CLEC16A: variants seen among roughly 807,000 people sequenced by gnomAD.
The protein encoded by CLEC16A is C-type lectin domain containing 16A, also known as protein CLEC16A.
Under a neutral mutation model 109.5 loss-of-function variants are expected in CLEC16A, and 51 were observed. That is an observed-to-expected ratio of 0.47 (90% CI 0.37 to 0.59). The LOEUF is 0.59. CLEC16A is among the 20% of genes least tolerant of loss of function. The probability of loss-of-function intolerance (pLI) is 0.00; values close to 1 mark genes in which losing one functional copy is unlikely to be tolerated. For missense variants in CLEC16A, 1,339 were observed against 1,394.0 expected (o/e 0.96, Z 0.63); for synonymous variants, 673 against 564.2 (o/e 1.19, Z -2.73).
intron 11 of CLEC16A, among the ~76,000 whole-genome samples, chr16:11,018,164 G>T (rs114106288): frequency 6.6e-6 from 1 of 151,642 alleles, no homozygotes; most frequent in African/African-American, 2.4e-5. Flanking sequence ...AAAATTAGCC[G>T]GGTGTGCTGG....
At chr16:11,012,620 A>G (rs1050823197) in intron 11 of CLEC16A, among the ~76,000 whole-genome samples, 9 of 146,768 alleles carry the variant, frequency 6.1e-5, no homozygotes, top group Non-Finnish European at 9.0e-5. Context: ...AAAAAAAAAA[A>G]AGAAAGATTT....
chr16:11,100,490 C>G (rs1438176175), intron 19 of CLEC16A, among the ~76,000 whole-genome samples: 1 of 152,194 alleles, frequency 6.6e-6, no homozygotes, highest in East Asian at 1.9e-4. Context: ...ATTTCACTAA[C>G]TTAGTGTGGC....
At chr16:11,143,518 C>T (rs1310839509) in intron 22 of CLEC16A, among the ~76,000 whole-genome samples, 3 of 152,202 alleles carry the variant, frequency 2.0e-5, no homozygotes, top group African/African-American at 2.4e-5. Flanking sequence ...CACCCTCCCC[C>T]TAGCAACCTC....
At chr16:11,001,737 C>G (rs1399168236) in intron 10 of CLEC16A, among the ~76,000 whole-genome samples, 2 of 152,260 alleles carry the variant, frequency 1.3e-5, no homozygotes, top group African/African-American at 2.4e-5. Context: ...ACCTCCCAGC[C>G]TCAAGCAATC....
At chr16:11,169,313 G>A (rs1183311722) in intron 23 of CLEC16A, among the ~76,000 whole-genome samples, 1 of 152,176 alleles carries the variant, frequency 6.6e-6, no homozygotes, top group African/African-American at 2.4e-5. Flanking sequence ...TTGAGACAGA[G>A]TCTTGCTTAG....
chr16:10,946,826 G>C (rs1209751595), intron 1 of CLEC16A, among the ~76,000 whole-genome samples: 13 of 152,196 alleles, frequency 8.5e-5, no homozygotes, highest in Non-Finnish European at 1.3e-4. Flanking sequence ...CCATTTTACG[G>C]AAGTGGAAAC....
chr16:11,115,328 AAG>A (rs2153011518), intron 19 of CLEC16A, among the ~76,000 whole-genome samples: 1 of 152,316 alleles, frequency 6.6e-6, no homozygotes, highest in East Asian at 1.9e-4. Flanking sequence ...TCTATTTTTA[AAG>A]AGTATTTTTT....
Position 11,020,217 on chromosome 16 carries a change from G to T in CLEC16A, c.1328G>T (p.Arg443Leu). 1 of 1,612,966 alleles carries T rather than the reference G, an allele frequency of 6.2e-7. No individual in the cohort carries two copies. Among genetic ancestry groups the T allele is most frequent in the Non-Finnish European group, 8.5e-7 (1 of 1,179,310 alleles). Residue 443 changes from arginine (R) to leucine (L), a missense_variant, in exon 12 of 24, where the codon CGT becomes CTT. Arg to Leu is a moderately radical substitution (Grantham distance 102). Coordinates refer to ENST00000409790, the MANE Select transcript of CLEC16A (RefSeq NM_015226.3). ...SEEIEMVIME[R>L]SKLSELAAST... ...GAGATCGAGATGGTGATCATGGAGC[G>T]TAGCAAGCTCTCAGAGCTGGCCGCC...
At chr16:11,092,715 G>A (rs961803307) in intron 19 of CLEC16A, among the ~76,000 whole-genome samples, 1 of 152,202 alleles carries the variant, frequency 6.6e-6, no homozygotes, top group Non-Finnish European at 1.5e-5. Flanking sequence ...GTGAGAGTAG[G>A]TGCTCTGGAG....
At position 11,068,986 on chromosome 16, in the gene CLEC16A, CTTTTTTTTT is replaced by C. The variant is rs34421150; in HGVS notation, c.2116+7974_2116+7982del. On this transcript the variant is annotated intron_variant, in intron 19 of 23. Transcript: ENST00000409790. ...CATGCCATCACGCCTGGCTAATTTT[CTTTTTTTTT>C]TTTTTTTTTGTATTTTTAGTAGACA... 3.0e-4 allele frequency among the ~76,000 whole-genome samples: 37 copies of C among 123,460 alleles called. No individual in the cohort carries two copies. In the East Asian group the frequency reaches 7.8e-3, roughly 26 times the overall value. The allele number at this position is 123,460 out of a possible 152,430, so 81.0% of individuals were successfully genotyped here.
intron 13 of CLEC16A, among the ~76,000 whole-genome samples, chr16:11,031,784 TGCG>T (rs1222465447): frequency 7.2e-5 from 11 of 152,060 alleles, no homozygotes; most frequent in Admixed American, 7.2e-4. Flanking sequence ...AACTAGGTAA[TGCG>T]GTGGGGCAGG....
intron 13 of CLEC16A, among the ~76,000 whole-genome samples, chr16:11,025,858 G>T (rs1461740537): frequency 1.3e-5 from 2 of 152,160 alleles, no homozygotes; most frequent in African/African-American, 4.8e-5. Flanking sequence ...CCTCTTCAAA[G>T]GCAGTTCCTG....
At chr16:11,005,146 C>G (rs1207446435) in intron 11 of CLEC16A, among the ~76,000 whole-genome samples, 2 of 152,192 alleles carry the variant, frequency 1.3e-5, no homozygotes, top group African/African-American at 4.8e-5. Context: ...CAGGCCTCAG[C>G]TGTGACTAAC....
chr16:10,994,265 C>T (rs1398346720), intron 10 of CLEC16A, among the ~76,000 whole-genome samples: 1 of 152,242 alleles, frequency 6.6e-6, no homozygotes, highest in East Asian at 1.9e-4. Flanking sequence ...CGTCAAATCG[C>T]CTCACTGATG....
chr16:10,992,617 G>A (rs2044093165), intron 10 of CLEC16A, among the ~76,000 whole-genome samples: 1 of 150,384 alleles, frequency 6.6e-6, no homozygotes, highest in Admixed American at 6.7e-5. Context: ...TGAGTTCTGG[G>A]TGGGTCATTT....
chr16:11,164,421 G>A (rs543325395), intron 22 of CLEC16A, among the ~76,000 whole-genome samples: 1 of 152,332 alleles, frequency 6.6e-6, no homozygotes, highest in African/African-American at 2.4e-5. Flanking sequence ...TGATGGCCCG[G>A]AGAAGAGTCC....
chr16:11,177,460 T>C (rs767101757), intron 23 of CLEC16A, among the ~76,000 whole-genome samples: 1 of 151,950 alleles, frequency 6.6e-6, no homozygotes, highest in Non-Finnish European at 1.5e-5. Context: ...ATTAGCCGGA[T>C]GTGGTGGCAG....
chr16:11,045,783 C>G (rs539573548), intron 16 of CLEC16A, among the ~76,000 whole-genome samples: 5 of 152,286 alleles, frequency 3.3e-5, no homozygotes, highest in African/African-American at 9.6e-5. Flanking sequence ...ATTTCCTTGT[C>G]CCCTGTACTT....
chr16:11,093,391 C>T (rs929209612), intron 19 of CLEC16A, among the ~76,000 whole-genome samples: 8 of 152,146 alleles, frequency 5.3e-5, no homozygotes, highest in African/African-American at 1.9e-4. Context: ...TGCTTCAAGG[C>T]CTCCTAAACC....
Sources: gnomAD v4.1 joint callset for allele counts (sites outside exome capture counted in the v4.1 genomes callset) on GRCh38, gnomAD v4.1.1 for gene constraint, MANE v1.5 for transcripts, NCBI Gene and HGNC (gene_info 2026-07-23, HGNC 2026-07-21) for gene names.